AFG2A: variants seen among roughly 807,000 people sequenced by gnomAD.
AFG2A encodes the protein ATPase family gene 2 protein homolog A.
the AFG2A span, among the ~76,000 whole-genome samples, chr4:123,115,752 C>A: frequency 0.1 from 15,975 of 152,160 alleles, 946 homozygotes; most frequent in Middle Eastern, 0.2. Flanking sequence ...GTCCCGGCTG[C>A]CAAAGTGGCA....
the AFG2A span, among the ~76,000 whole-genome samples, chr4:122,993,926 A>C: frequency 1.3e-5 from 2 of 152,142 alleles, no homozygotes; most frequent in Admixed American, 1.3e-4. Context: ...ACAGTACATG[A>C]CAGCAGGTTC....
At chr4:123,089,117 T>C in the AFG2A span, among the ~76,000 whole-genome samples, 1 of 152,216 alleles carries the variant, frequency 6.6e-6, no homozygotes, top group East Asian at 1.9e-4. Flanking sequence ...GTGATTTGTA[T>C]GACAACCTCA....
the AFG2A span, among the ~76,000 whole-genome samples, chr4:123,190,678 T>G: frequency 6.6e-6 from 1 of 152,208 alleles, no homozygotes; most frequent in Non-Finnish European, 1.5e-5. Context: ...AGAAGGAGAT[T>G]AGGTGCTACT....
At chr4:123,182,519 T>A in the AFG2A span, among the ~76,000 whole-genome samples, 1 of 152,208 alleles carries the variant, frequency 6.6e-6, no homozygotes, top group African/African-American at 2.4e-5. Flanking sequence ...ATTCTAGGAC[T>A]TCCATCTGCC....
chr4:123,179,143 A>G, the AFG2A span, among the ~76,000 whole-genome samples: 2 of 152,232 alleles, frequency 1.3e-5, no homozygotes, highest in Admixed American at 6.5e-5. Flanking sequence ...TTGAAGAACT[A>G]TTTTCAAGCT....
chr4:123,132,087 C>T, the AFG2A span, among the ~76,000 whole-genome samples: 3 of 152,084 alleles, frequency 2.0e-5, no homozygotes, highest in African/African-American at 7.2e-5. Flanking sequence ...TCATGTGCTT[C>T]TTGGCCTTTT....
chr4:123,010,297 A>C, the AFG2A span, among the ~76,000 whole-genome samples: 1 of 152,210 alleles, frequency 6.6e-6, no homozygotes, highest in Non-Finnish European at 1.5e-5. Flanking sequence ...TTAGGAAGCT[A>C]TACTTGACTT....
the AFG2A span, among the ~76,000 whole-genome samples, chr4:123,185,474 C>T: frequency 9.9e-5 from 15 of 152,010 alleles, no homozygotes; most frequent in Non-Finnish European, 1.8e-4. Context: ...TAAATATGTA[C>T]CACCTTACAC....
chr4:123,298,982 G>C, the AFG2A span, among the ~76,000 whole-genome samples: 1 of 152,152 alleles, frequency 6.6e-6, no homozygotes, highest in African/African-American at 2.4e-5. Context: ...AGAGTGATAG[G>C]ATCATAACAG....
At chr4:123,014,064 A>G in the AFG2A span, among the ~76,000 whole-genome samples, 3 of 152,222 alleles carry the variant, frequency 2.0e-5, no homozygotes, top group African/African-American at 7.2e-5. Context: ...TTAAACATAT[A>G]CTTAGCTCCT....
chr4:122,968,334 A>T, the AFG2A span, among the ~76,000 whole-genome samples: 1 of 152,204 alleles, frequency 6.6e-6, no homozygotes, highest in Non-Finnish European at 1.5e-5. Flanking sequence ...AGCATAAGCT[A>T]AAATATCCAT....
chr4:123,221,119 A>T, the AFG2A span, among the ~76,000 whole-genome samples: 46 of 152,148 alleles, frequency 3.0e-4, no homozygotes, highest in South Asian at 7.1e-3. Context: ...CAGCACCTGA[A>T]GTGGGGCTTT....
At chr4:122,948,929 G>A in the AFG2A span, among the ~76,000 whole-genome samples, 2 of 152,178 alleles carry the variant, frequency 1.3e-5, no homozygotes, top group Non-Finnish European at 2.9e-5. Context: ...GCAGCCAGAT[G>A]CTGCAGTAGC....
chr4:122,964,301 C>T, the AFG2A span, among the ~76,000 whole-genome samples: 2 of 151,722 alleles, frequency 1.3e-5, no homozygotes, highest in Non-Finnish European at 2.9e-5. Flanking sequence ...GTCAGGAGTT[C>T]GAGACCAGTG....
chr4:123,002,205 T>C, the AFG2A span, among the ~76,000 whole-genome samples: 1,617 of 152,000 alleles, frequency 0.011, 38 homozygotes, highest in African/African-American at 0.036. Flanking sequence ...TGTCTCTGCA[T>C]GTGAGATGGG....
chr4:123,062,512 A>G, the AFG2A span, among the ~76,000 whole-genome samples: 1 of 152,090 alleles, frequency 6.6e-6, no homozygotes, highest in Admixed American at 6.6e-5. Flanking sequence ...TGTTACTGTT[A>G]CTTAATCATA....
the AFG2A span, among the ~76,000 whole-genome samples, chr4:123,271,074 A>G: frequency 6.6e-6 from 1 of 152,220 alleles, no homozygotes; most frequent in Non-Finnish European, 1.5e-5. Flanking sequence ...AGACAACTGC[A>G]GAACAATGCT....
At chr4:123,021,881 C>T in the AFG2A span, among the ~76,000 whole-genome samples, 2 of 151,794 alleles carry the variant, frequency 1.3e-5, no homozygotes, top group Non-Finnish European at 2.9e-5. Flanking sequence ...GAAATAATGC[C>T]GCATATCTAC....
the AFG2A span, among the ~76,000 whole-genome samples, chr4:122,948,926 G>T: frequency 1.3e-5 from 2 of 152,312 alleles, no homozygotes; most frequent in Non-Finnish European, 2.9e-5. Context: ...ATTGCAGCCA[G>T]ATGCTGCAGT....
Sources: allele counts gnomAD v4.1 joint callset (sites outside exome capture counted in the v4.1 genomes callset), GRCh38; gene constraint gnomAD v4.1.1; transcripts MANE v1.5; gene names NCBI Gene and HGNC (gene_info 2026-07-23, HGNC 2026-07-21).